Variants in PRKN observed in about 807,000 individuals in gnomAD.
The protein encoded by PRKN is parkin RBR E3 ubiquitin protein ligase.
Under a neutral mutation model 59.5 loss-of-function variants are expected in PRKN, and 56 were observed. That is an observed-to-expected ratio of 0.94 (90% CI 0.76 to 1.18). The LOEUF is 1.18. Ranked by LOEUF, PRKN falls within the 50% of genes most tolerant of loss-of-function variation. The pLI, the probability that PRKN is intolerant of heterozygous loss-of-function variation, is 0.00. For synonymous variants in PRKN, 250 were observed against 222.1 expected (o/e 1.13, Z -1.12); for missense variants, 657 against 596.4 (o/e 1.10, Z -1.06).
rs1182561022 is a variant in PRKN at position 161,379,647 on chromosome 6, C to A, written c.1167+7147G>T. On this transcript the variant is annotated intron_variant, in intron 10 of 11. Coordinates refer to ENST00000366898, the MANE Select transcript of PRKN (RefSeq NM_004562.3). The surrounding 1 kb of genome is among the most constrained non-coding windows in gnomAD (Gnocchi z 4.9). The stretch of plus-strand genomic sequence containing the variant: ...GCCTTTCTTCCTTCTGCGGGAAGCC[C>A]ACATCGAAAACCTGGTCTATGCATA... Among the ~76,000 whole-genome samples, 2 of 152,158 alleles carry A rather than the reference C, an allele frequency of 1.3e-5. No homozygotes were observed. The highest frequency in any genetic ancestry group is 2.9e-5 in the Non-Finnish European group (2 of 68,016).
intron 9 of PRKN, among the ~76,000 whole-genome samples, chr6:161,541,279 C>A (rs12198150): frequency 0.18 from 26,921 of 152,126 alleles, 2,678 homozygotes; most frequent in Middle Eastern, 0.29. Context: ...TTTTAAATAG[C>A]CATATGTGGC....
intron 9 of PRKN, among the ~76,000 whole-genome samples, chr6:161,424,336 CAAAAAAA>C (rs56268660): frequency 6.4e-5 from 7 of 109,210 alleles, no homozygotes; most frequent in African/African-American, 2.5e-4. Flanking sequence ...GATTCTGTCT[CAAAAAAA>C]AAAAAAAAAA....
intron 6 of PRKN, among the ~76,000 whole-genome samples, chr6:161,849,117 C>T (rs959113135): frequency 1.1e-4 from 16 of 152,152 alleles, no homozygotes; most frequent in African/African-American, 3.9e-4. Context: ...GCATACTGCT[C>T]GTTTGCACTT....
At chr6:161,712,924 T>C (rs1325417204) in intron 7 of PRKN, among the ~76,000 whole-genome samples, 1 of 152,000 alleles carries the variant, frequency 6.6e-6, no homozygotes, top group Non-Finnish European at 1.5e-5. Flanking sequence ...ACCAACTGGG[T>C]ATCCTATAAT....
chr6:161,788,850 A>C (rs1182520585), intron 6 of PRKN, among the ~76,000 whole-genome samples: 1 of 152,242 alleles, frequency 6.6e-6, no homozygotes, highest in Non-Finnish European at 1.5e-5. Flanking sequence ...CTGATTGTCT[A>C]TTACTATACA....
intron 7 of PRKN, among the ~76,000 whole-genome samples, chr6:161,598,372 G>C (rs1257115035): frequency 5.3e-5 from 8 of 152,132 alleles, no homozygotes; most frequent in Admixed American, 5.2e-4. Flanking sequence ...ACATAATTTT[G>C]TACATCCAAA....
intron 7 of PRKN, among the ~76,000 whole-genome samples, chr6:161,611,650 G>T (rs1782493443): frequency 6.6e-6 from 1 of 152,108 alleles, no homozygotes; most frequent in East Asian, 1.9e-4. Flanking sequence ...CCCCTGTCTT[G>T]CCCCTTCTCC....
At chr6:162,359,079 A>AAAAAAAAAAAAAAAATATATATATAT (rs57265104) in intron 2 of PRKN, among the ~76,000 whole-genome samples, 2 of 83,270 alleles carry the variant, frequency 2.4e-5, no homozygotes, top group African/African-American at 1.5e-4. Flanking sequence ...AAAAAAAAAA[A>AAAAAAAAAAAAAAAATATATATATAT]ATATATATAT....
chr6:162,313,745 C>A (rs886168068), intron 2 of PRKN, among the ~76,000 whole-genome samples: 1 of 152,174 alleles, frequency 6.6e-6, no homozygotes, highest in African/African-American at 2.4e-5. Context: ...CACCAGCCTC[C>A]CAAAATGCTG....
chr6:161,891,528 G>A (rs575367657), intron 6 of PRKN, among the ~76,000 whole-genome samples: 2 of 152,234 alleles, frequency 1.3e-5, no homozygotes, highest in South Asian at 4.2e-4. Flanking sequence ...AGGTCTTACA[G>A]GCTTGAATAA....
At chr6:162,422,615 T>C (rs1328756836) in intron 2 of PRKN, among the ~76,000 whole-genome samples, 1 of 152,128 alleles carries the variant, frequency 6.6e-6, no homozygotes, top group East Asian at 1.9e-4. Flanking sequence ...CTCAGGTATC[T>C]GCTACTTTTA....
intron 2 of PRKN, among the ~76,000 whole-genome samples, chr6:162,334,105 G>A (rs576634765): frequency 2.0e-5 from 3 of 152,294 alleles, no homozygotes; most frequent in Admixed American, 1.3e-4. Flanking sequence ...GAAGCTAGCA[G>A]AGGTTGGTTC....
At chr6:161,721,707 G>A (rs114853643) in intron 7 of PRKN, among the ~76,000 whole-genome samples, 468 of 152,144 alleles carry the variant, frequency 3.1e-3, no homozygotes, top group African/African-American at 0.011. Context: ...CGTCAGCCAC[G>A]CCACCCACCG....
chr6:161,404,065 C>T (rs2114986945), intron 9 of PRKN, among the ~76,000 whole-genome samples: 1 of 152,178 alleles, frequency 6.6e-6, no homozygotes, highest in South Asian at 2.1e-4. Context: ...TAGGAAATCC[C>T]TTTGGGCAAA....
chr6:161,735,083 C>T (rs1787908298), intron 7 of PRKN, among the ~76,000 whole-genome samples: 2 of 150,876 alleles, frequency 1.3e-5, no homozygotes, highest in Admixed American at 1.3e-4. Flanking sequence ...TAGGTGTCTT[C>T]TCCAGCCTCT....
rs1259469299 is a variant in PRKN at position 162,301,346 on chromosome 6, T to C, written c.172-38581A>G. ...AGACTCAGCATTCTTAAACTTCTGA[T>C]TGCCTTTCACTCACTTGCCTGCTCT... On this transcript the variant is annotated intron_variant, in intron 2 of 11. Coordinates refer to ENST00000366898, the MANE Select transcript of PRKN (RefSeq NM_004562.3). Among the ~76,000 whole-genome samples, 3 of 152,170 alleles carry C rather than the reference T, an allele frequency of 2.0e-5. No individual in the cohort carries two copies. In the East Asian group the frequency reaches 5.8e-4, roughly 29 times the overall value.
rs927383667 is a variant in PRKN, at chr6:162,634,239, T to C, written c.7+93423A>G. Among the ~76,000 whole-genome samples the C allele has an allele frequency of 2.0e-5, 3 of 152,144 alleles. No individual in the cohort carries two copies. The East Asian group carries it at 5.8e-4, about 29-fold the overall frequency. ...CTAACCCAGGGGCCAGCAAACATTGTCTGCAAAGGGCCAGGTGGTAAATGT... is the reference window on the plus strand; with the variant it reads ...CTAACCCAGGGGCCAGCAAACATTGCCTGCAAAGGGCCAGGTGGTAAATGT... On this transcript the variant is annotated intron_variant, in intron 1 of 11. Coordinates refer to ENST00000366898, the MANE Select transcript of PRKN (RefSeq NM_004562.3).
intron 1 of PRKN, among the ~76,000 whole-genome samples, chr6:162,509,995 A>G (rs899136642): frequency 3.3e-5 from 5 of 152,166 alleles, no homozygotes; most frequent in African/African-American, 1.2e-4. Flanking sequence ...CACATGCAAC[A>G]AATCTCCACA....
chr6:161,540,942 G>C (rs185765877), intron 9 of PRKN, among the ~76,000 whole-genome samples: 28 of 152,182 alleles, frequency 1.8e-4, no homozygotes. Flanking sequence ...TGCATGACCC[G>C]TACTCTGGAA....
Sources: allele counts gnomAD v4.1 joint callset (sites outside exome capture counted in the v4.1 genomes callset), GRCh38; gene constraint gnomAD v4.1.1; non-coding constraint Gnocchi (gnomAD v3.1); transcripts MANE v1.5; gene names NCBI Gene and HGNC (gene_info 2026-07-23, HGNC 2026-07-21).